Variants in PRKG2 observed in about 807,000 individuals in gnomAD.
The protein encoded by PRKG2 is protein kinase cGMP-dependent 2.
Under a neutral mutation model 97.2 loss-of-function variants are expected in PRKG2, and 33 were observed. That is an observed-to-expected ratio of 0.34 (90% CI 0.26 to 0.45). The LOEUF (loss-of-function observed/expected upper bound fraction) is 0.45, where lower values mean the gene tolerates loss of function less well. Among genes scored for constraint, PRKG2 ranks in the 20% least tolerant of loss-of-function variants. The pLI is 1.00. For synonymous variants in PRKG2, 330 were observed against 321.8 expected, an observed-to-expected ratio of 1.03 and a Z score of -0.27; for missense variants, 638 against 900.0, an observed-to-expected ratio of 0.71 and a Z score of 3.73.
In PRKG2 at chr4:81,181,612, G is replaced by C. The variant is rs563242524; in HGVS notation, c.462-6653C>G. Among the ~76,000 whole-genome samples the C allele has an allele frequency of 4.7e-5, 7 of 147,558 alleles. No homozygotes were observed. The South Asian group carries it at 1.5e-3, about 31-fold the overall frequency. On this transcript the variant is annotated intron_variant, in intron 2 of 18. Coordinates refer to ENST00000264399, the MANE Select transcript of PRKG2 (RefSeq NM_006259.3). ...ATTTCTTTGAAAAAAATAATAAAAT[G>C]ATAATTCACAACAAGACAGGACTTG...
chr4:81,111,347 C>G (rs900375889), intron 14 of PRKG2, among the ~76,000 whole-genome samples: 2 of 151,774 alleles, frequency 1.3e-5, no homozygotes, highest in East Asian at 3.9e-4. Flanking sequence ...CCTATAGATA[C>G]AAAGTTAACT....
chr4:81,149,329 T>A (rs1306095357), intron 8 of PRKG2, among the ~76,000 whole-genome samples: 2 of 152,170 alleles, frequency 1.3e-5, no homozygotes, highest in Non-Finnish European at 2.9e-5. Context: ...CAGAGAAATG[T>A]ATTGGAAAAA....
intron 14 of PRKG2, among the ~76,000 whole-genome samples, chr4:81,111,882 TCAAA>T (rs772940460): frequency 1.3e-5 from 2 of 152,192 alleles, no homozygotes; most frequent in African/African-American, 4.8e-5. Flanking sequence ...TCCACCTTCC[TCAAA>T]CAAACAGTCA....
chr4:81,092,797 C>T (rs1246884997), intron 17 of PRKG2, among the ~76,000 whole-genome samples: 4 of 152,254 alleles, frequency 2.6e-5, no homozygotes, highest in African/African-American at 9.6e-5. Context: ...CAAACCAAAG[C>T]TCTTGTAGTT....
At chr4:81,098,100 C>T (rs1339178838) in intron 17 of PRKG2, among the ~76,000 whole-genome samples, 1 of 152,112 alleles carries the variant, frequency 6.6e-6, no homozygotes, top group African/African-American at 2.4e-5. Context: ...CACCCGTAAT[C>T]TCAGTGGGCA....
At chr4:81,169,849 T>C (rs1459009887) in intron 4 of PRKG2, 81 bp from the exon 5 acceptor site, 1 of 827,250 alleles carries the variant, frequency 1.2e-6, no homozygotes, top group African/African-American at 1.8e-5. Context: ...ATGGATTTGT[T>C]ATATGTTCTT....
At chr4:81,188,174 A>G (rs1752065697) in intron 2 of PRKG2, among the ~76,000 whole-genome samples, 1 of 151,982 alleles carries the variant, frequency 6.6e-6, no homozygotes, top group African/African-American at 2.4e-5. Context: ...ACAAATTTAC[A>G]AGAAAAAAAC....
rs1243328139 is a variant in PRKG2 at position 81,154,531 on chromosome 4, T to A, written c.913-810A>T. Among the ~76,000 whole-genome samples, 6 of 112,464 alleles carry A rather than the reference T, an allele frequency of 5.3e-5. 1 individual carries two copies. The highest frequency in any genetic ancestry group is 3.1e-4 in the African/African-American group (5 of 16,048). The allele number at this position is 112,464 out of a possible 152,430, so 73.8% of individuals were successfully genotyped here. ...CACACTGACACCTCACACGGCAGGGTACTCCAACAGACCTGCAGCTGAGGG... is the reference window on the plus strand; with the variant it reads ...CACACTGACACCTCACACGGCAGGGAACTCCAACAGACCTGCAGCTGAGGG... On this transcript the variant is annotated intron_variant, in intron 6 of 18. Transcript: ENST00000264399.
intron 1 of PRKG2, among the ~76,000 whole-genome samples, chr4:81,209,745 C>T (rs1339923418): frequency 6.6e-6 from 1 of 151,994 alleles, no homozygotes; most frequent in East Asian, 1.9e-4. Flanking sequence ...AGAGGAAAAA[C>T]TTATTGAACT....
chr4:81,180,589 G>A (rs1206336326), intron 2 of PRKG2, among the ~76,000 whole-genome samples: 1 of 152,036 alleles, frequency 6.6e-6, no homozygotes, highest in Non-Finnish European at 1.5e-5. Flanking sequence ...TTCCAAATAT[G>A]TATCCACTTA....
rs901331618 is a variant in PRKG2, at chr4:81,088,271, T to A, written c.*1437A>T. On this transcript the variant is annotated 3_prime_UTR_variant, in exon 19 of 19. Coordinates refer to ENST00000264399, the MANE Select transcript of PRKG2 (RefSeq NM_006259.3). ...TCATTAAGGAAGCATATAGCTGGCTTTTTTCTGGATGATGAAATTATGAGT... is the reference window on the plus strand; with the variant it reads ...TCATTAAGGAAGCATATAGCTGGCTATTTTCTGGATGATGAAATTATGAGT... 1 of 152,124 alleles carries A rather than the reference T, an allele frequency of 6.6e-6. No individual in the cohort carries two copies. The highest frequency in any genetic ancestry group is 2.4e-5 in the African/African-American group (1 of 41,432). 9.4% of individuals were successfully genotyped at this position (152,124 alleles called of 1,614,324 possible). A position where few individuals can be genotyped will look rare whatever the true frequency, so the allele number is the denominator to read the frequency against.
intron 17 of PRKG2, among the ~76,000 whole-genome samples, chr4:81,097,894 G>C (rs1029975729): frequency 2.0e-5 from 3 of 152,090 alleles, no homozygotes; most frequent in Non-Finnish European, 2.9e-5. Flanking sequence ...TGTTGTGTCT[G>C]GTTTGATCTC....
intron 2 of PRKG2, among the ~76,000 whole-genome samples, chr4:81,201,959 G>T (rs1173325261): frequency 4.6e-5 from 7 of 152,118 alleles, no homozygotes; most frequent in South Asian, 2.1e-4. Context: ...CATAAATTCA[G>T]CCAGGATACT....
intron 12 of PRKG2, among the ~76,000 whole-genome samples, chr4:81,138,758 G>C (rs1316859321): frequency 6.6e-6 from 1 of 151,634 alleles, no homozygotes; most frequent in African/African-American, 2.4e-5. Context: ...TTGAAAATAA[G>C]ACAATGAATG....
At chr4:81,185,249 G>A (rs922718614) in intron 2 of PRKG2, among the ~76,000 whole-genome samples, 2 of 152,182 alleles carry the variant, frequency 1.3e-5, no homozygotes, top group Admixed American at 6.5e-5. Flanking sequence ...TACTCACAAA[G>A]AGAAGCCCAT....
In PRKG2 at chr4:81,178,616, A is replaced by C. The variant is rs35923795; in HGVS notation, c.462-3657T>G. On this transcript the variant is annotated intron_variant, in intron 2 of 18. Coordinates refer to ENST00000264399, the MANE Select transcript of PRKG2 (RefSeq NM_006259.3). The stretch of plus-strand genomic sequence containing the variant: ...TTTGCAATCCGATAAAATGCAGCTG[A>C]TAATAATTAGAAACTAATTATAGGC... Among the ~76,000 whole-genome samples the C allele has an allele frequency of 2.6e-3, 389 of 152,134 alleles. 1 individual carries two copies. The highest frequency in any genetic ancestry group is 4.4e-3 in the Non-Finnish European group (301 of 67,996).
intron 9 of PRKG2, among the ~76,000 whole-genome samples, chr4:81,145,519 C>T (rs1578417028): frequency 6.6e-6 from 1 of 152,156 alleles, no homozygotes. Context: ...CATTACCTTT[C>T]TCACCCTTCC....
intron 14 of PRKG2, among the ~76,000 whole-genome samples, chr4:81,116,029 C>CT (rs1286296648): frequency 1.3e-5 from 2 of 151,890 alleles, no homozygotes; most frequent in Admixed American, 6.6e-5. Context: ...CTATTTGAAT[C>CT]TTTTTTTTAA....
intron 6 of PRKG2, among the ~76,000 whole-genome samples, chr4:81,161,759 C>T (rs1578446940): frequency 6.6e-6 from 1 of 152,240 alleles, no homozygotes; most frequent in East Asian, 1.9e-4. Context: ...ATCTCTCTGA[C>T]CCCAACCAGA....
Sources: allele counts gnomAD v4.1 joint callset (sites outside exome capture counted in the v4.1 genomes callset), GRCh38; gene constraint gnomAD v4.1.1; transcripts MANE v1.5; gene names NCBI Gene and HGNC (gene_info 2026-07-23, HGNC 2026-07-21).